GRIK3: variants seen among roughly 807,000 people sequenced by gnomAD.
The protein encoded by GRIK3 is glutamate ionotropic receptor kainate type subunit 3.
In GRIK3, 29 loss-of-function variants were observed where a neutral mutation model predicts 102.5. The observed-to-expected ratio is 0.28, with a 90% CI of 0.21 to 0.39. GRIK3 has a LOEUF of 0.39. GRIK3 is among the 10% of genes least tolerant of loss of function. The pLI, the probability that GRIK3 is intolerant of heterozygous loss-of-function variation, is 1.00. For synonymous variants in GRIK3, 511 were observed against 504.9 expected (o/e 1.01, Z -0.16); for missense variants, 908 against 1,252.4 (o/e 0.73, Z 4.15).
At chr1:36,843,942 C>G (rs567669056) in intron 9 of GRIK3, among the ~76,000 whole-genome samples, 1 of 152,356 alleles carries the variant, frequency 6.6e-6, no homozygotes, top group East Asian at 1.9e-4. Flanking sequence ...GGGGCCATTC[C>G]CTTGACCTCA....
At chr1:36,860,112 G>A in intron 5 of GRIK3, 95 bp from the exon 6 acceptor site, 1 of 978,480 alleles carries the variant, frequency 1.0e-6, no homozygotes, top group Non-Finnish European at 1.5e-6. Context: ...GCCGCCCCAG[G>A]GCCTGAGGTC....
intron 1 of GRIK3, among the ~76,000 whole-genome samples, chr1:36,898,250 T>C (rs1429358084): frequency 6.6e-6 from 1 of 152,202 alleles, no homozygotes; most frequent in Admixed American, 6.5e-5. Flanking sequence ...TCAATAATAA[T>C]TTAATTGTAC....
At position 36,805,134 on chromosome 1, in the gene GRIK3, A is replaced by G. The variant is rs1557686717; in HGVS notation, c.2418T>C (p.Pro806=). The change falls in exon 15 of 16, where the codon CCT becomes CCC. Residue 806 remains proline (P), a synonymous_variant. Coordinates refer to ENST00000373091, the MANE Select transcript of GRIK3 (RefSeq NM_000831.4). The part of the protein sequence containing the change: ...KEKWWRGSGC[P]EEENKEASAL... ...CACTGGCCTCTTTGTTTTCCTCCTC[A>G]GGACACCCGCTGCCCCGCCACCACT... 3.1e-6 allele frequency: 5 copies of G among 1,613,994 alleles called. No homozygotes were observed. Among genetic ancestry groups the G allele is most frequent in the Non-Finnish European group, 1.7e-6 (2 of 1,180,014 alleles).
At chr1:36,886,851 T>G (rs936300267) in intron 2 of GRIK3, among the ~76,000 whole-genome samples, 2 of 152,172 alleles carry the variant, frequency 1.3e-5, no homozygotes, top group African/African-American at 4.8e-5. Context: ...CACTACTCCC[T>G]CTCCCAGAGG....
intron 1 of GRIK3, among the ~76,000 whole-genome samples, chr1:37,021,334 C>A (rs1351036660): frequency 6.6e-6 from 1 of 152,152 alleles, no homozygotes; most frequent in African/African-American, 2.4e-5. Context: ...GTAGCCCCAG[C>A]ATTTGGGGTG....
At chr1:36,912,367 C>T (rs1641355679) in intron 1 of GRIK3, among the ~76,000 whole-genome samples, 1 of 152,152 alleles carries the variant, frequency 6.6e-6, no homozygotes, top group African/African-American at 2.4e-5. Flanking sequence ...CCCTTGCAGG[C>T]ACCGTTGGGA....
chr1:36,867,126 T>C (rs1209206946), intron 5 of GRIK3, among the ~76,000 whole-genome samples: 3 of 152,064 alleles, frequency 2.0e-5, no homozygotes, highest in African/African-American at 7.2e-5. Flanking sequence ...ATTAAGAAAA[T>C]GAAGAAAAAT....
intron 1 of GRIK3, among the ~76,000 whole-genome samples, chr1:36,945,716 G>A (rs1353585903): frequency 6.6e-6 from 1 of 152,188 alleles, no homozygotes; most frequent in Non-Finnish European, 1.5e-5. Flanking sequence ...TGATCAGCAC[G>A]CTGTCCCTGA....
chr1:36,833,750 G>A (rs867659774), intron 10 of GRIK3, among the ~76,000 whole-genome samples: 2 of 152,230 alleles, frequency 1.3e-5, no homozygotes, highest in African/African-American at 2.4e-5. Flanking sequence ...TGGAGGCTGG[G>A]AAACCAGAGT....
chr1:36,974,776 G>A (rs575268989), intron 1 of GRIK3, among the ~76,000 whole-genome samples: 3 of 146,304 alleles, frequency 2.1e-5, no homozygotes, highest in Admixed American at 2.0e-4. Context: ...CTCCAGCCTG[G>A]GTGACAGAGC....
At chr1:37,026,714 A>G (rs1176738004) in intron 1 of GRIK3, among the ~76,000 whole-genome samples, 1 of 152,156 alleles carries the variant, frequency 6.6e-6, no homozygotes, top group African/African-American at 2.4e-5. Flanking sequence ...GGAAGCTCAG[A>G]GGTGCGGTGA....
chr1:36,906,914 G>T (rs1641290201), intron 1 of GRIK3, among the ~76,000 whole-genome samples: 1 of 152,134 alleles, frequency 6.6e-6, no homozygotes, highest in South Asian at 2.1e-4. Flanking sequence ...TAATTTGAAG[G>T]TTTTCAGCAC....
intron 5 of GRIK3, among the ~76,000 whole-genome samples, chr1:36,865,707 C>G (rs1033114060): frequency 6.6e-6 from 1 of 152,208 alleles, no homozygotes; most frequent in African/African-American, 2.4e-5. Context: ...GGACAGTCAG[C>G]TGGAACAGCC....
chr1:37,011,947 T>C (rs1378800356), intron 1 of GRIK3, among the ~76,000 whole-genome samples: 1 of 152,062 alleles, frequency 6.6e-6, no homozygotes, highest in African/African-American at 2.4e-5. Flanking sequence ...GCAGATGGAT[T>C]AACTCCACCT....
intron 1 of GRIK3, among the ~76,000 whole-genome samples, chr1:36,951,563 A>G (rs554329579): frequency 6.6e-6 from 1 of 152,364 alleles, no homozygotes; most frequent in African/African-American, 2.4e-5. Context: ...TGCTGGTCGC[A>G]TGCAGATTAA....
intron 3 of GRIK3, among the ~76,000 whole-genome samples, chr1:36,873,659 G>A (rs1278654595): frequency 1.3e-5 from 2 of 151,756 alleles, no homozygotes; most frequent in Non-Finnish European, 2.9e-5. Context: ...ACCACTAATG[G>A]CACTTCAATT....
rs201297476 is a variant in GRIK3 at position 36,835,023 on chromosome 1, G to A, written c.1530+6713C>T. ...ACTCCCAAAGCCCTCTATCTTTCCC[G>A]TTGCAGCACTGATCAAAATCTTAAT... On this transcript the variant is annotated intron_variant, in intron 10 of 15. Coordinates refer to ENST00000373091, the MANE Select transcript of GRIK3 (RefSeq NM_000831.4). Among the ~76,000 whole-genome samples, 7 of 152,300 alleles carry A rather than the reference G, an allele frequency of 4.6e-5. No homozygotes were observed. The East Asian group carries it at 7.7e-4, about 17-fold the overall frequency.
In GRIK3 at chr1:36,814,520, C is replaced by CACA. The variant is rs569634831; in HGVS notation, c.2091+2539_2091+2540insTGT. On this transcript the variant is annotated intron_variant, in intron 13 of 15. Transcript: ENST00000373091. ...ATACACATACATAGACCCCCCCCCC[C>CACA]CACACACAGAGACACATATGCATGC... Among the ~76,000 whole-genome samples, 177 of 134,346 alleles carry CACA rather than the reference C, an allele frequency of 1.3e-3. 2 individuals are homozygous for CACA. The East Asian group carries it at 0.02, about 15-fold the overall frequency. 88.1% of individuals were successfully genotyped at this position (134,346 alleles called of 152,430 possible).
At chr1:36,951,307 C>T (rs139636880) in intron 1 of GRIK3, among the ~76,000 whole-genome samples, 77 of 152,336 alleles carry the variant, frequency 5.1e-4, no homozygotes, top group African/African-American at 1.4e-3. Context: ...AGAGTGATCA[C>T]GATCAAGGAC....
Sources: gnomAD v4.1 joint callset for allele counts (sites outside exome capture counted in the v4.1 genomes callset) on GRCh38, gnomAD v4.1.1 for gene constraint, MANE v1.5 for transcripts, NCBI Gene and HGNC (gene_info 2026-07-23, HGNC 2026-07-21) for gene names.